The following ZDHHC17 variants were observed in gnomAD, a reference collection of about 807,000 sequenced individuals.
The protein encoded by ZDHHC17 is zDHHC palmitoyltransferase 17, also known as palmitoyltransferase ZDHHC17.
In ZDHHC17, 40 loss-of-function variants were observed where a neutral mutation model predicts 90.3. That is an observed-to-expected ratio of 0.44 (90% CI 0.34 to 0.58). The LOEUF is 0.58. ZDHHC17 is among the 20% of genes least tolerant of loss of function. ZDHHC17 has a pLI of 0.01. For missense variants in ZDHHC17, 614 were observed against 780.8 expected, an observed-to-expected ratio of 0.79 and a Z score of 2.55; for synonymous variants, 235 against 252.4, an observed-to-expected ratio of 0.93 and a Z score of 0.65.
chr12:76,845,646 A>C (rs1592500014), intron 12 of ZDHHC17, 63 bp from the exon 13 acceptor site: 2 of 562,308 alleles, frequency 3.6e-6, no homozygotes, highest in East Asian at 6.7e-5. Flanking sequence ...TGAGAAAATA[A>C]ATAGTCAGCT....
chr12:76,820,693 T>A (rs907591484), intron 7 of ZDHHC17, among the ~76,000 whole-genome samples: 2 of 152,138 alleles, frequency 1.3e-5, no homozygotes, highest in African/African-American at 2.4e-5. Flanking sequence ...CAAGGAAAAA[T>A]TTTTTTAAAA....
At chr12:76,788,688 A>ATATATTTTTTTTTTTTTT (rs61663401) in intron 1 of ZDHHC17, among the ~76,000 whole-genome samples, 1 of 98,648 alleles carries the variant, frequency 1.0e-5, no homozygotes, top group African/African-American at 4.0e-5. Flanking sequence ...TGGAATCGCA[A>ATATATTTTTTTTTTTTTT]TTTTTTTTTT....
intron 7 of ZDHHC17, chr12:76,821,046 CT>C: frequency 7.8e-7 from 1 of 1,286,598 alleles, no homozygotes; most frequent in Non-Finnish European, 1.0e-6. Flanking sequence ...CTCCCTCAAT[CT>C]TTTTGTCTAG....
chr12:76,787,617 CCTCTCTCTCTCT>C (rs3044465), intron 1 of ZDHHC17, among the ~76,000 whole-genome samples: 2 of 148,962 alleles, frequency 1.3e-5, no homozygotes, highest in Non-Finnish European at 3.0e-5. Flanking sequence ...TCTGTCTCTC[CCTCTCTCTCTCT>C]CTCTCTCTCT....
At chr12:76,850,175 A>G (rs1175123344) in intron 16 of ZDHHC17, among the ~76,000 whole-genome samples, 1 of 151,984 alleles carries the variant, frequency 6.6e-6, no homozygotes. Context: ...TCGGCCTCCC[A>G]AAGTGCTAGG....
At chr12:76,817,383 T>C (rs1246733453) in intron 7 of ZDHHC17, among the ~76,000 whole-genome samples, 1 of 152,072 alleles carries the variant, frequency 6.6e-6, no homozygotes, top group African/African-American at 2.4e-5. Flanking sequence ...ATTCCTAAGG[T>C]GATCATGCAC....
chr12:76,830,294 C>T (rs1279197723), intron 10 of ZDHHC17, among the ~76,000 whole-genome samples: 1 of 151,992 alleles, frequency 6.6e-6, no homozygotes, highest in East Asian at 1.9e-4. Context: ...ATATTGTATT[C>T]TTTTTATTAA....
At chr12:76,825,184 G>C (rs189649343) in intron 8 of ZDHHC17, among the ~76,000 whole-genome samples, 26 of 152,268 alleles carry the variant, frequency 1.7e-4, no homozygotes, top group Non-Finnish European at 3.7e-4. Flanking sequence ...TACCATTGTT[G>C]TGATATGCTA....
chr12:76,852,126 T>C lies in ZDHHC17; in HGVS notation c.*1141T>C, dbSNP rs1338749343. ...GTTTTAGAAAAAATTTTCTTTTTGT[T>C]AAATGTGATGCACTGATCAATTTTT... On this transcript the variant is annotated 3_prime_UTR_variant, in exon 17 of 17. Coordinates refer to ENST00000426126, the MANE Select transcript of ZDHHC17 (RefSeq NM_015336.4). 2 of 152,688 alleles carry C rather than the reference T, an allele frequency of 1.3e-5. No individual in the cohort carries two copies. The highest frequency in any genetic ancestry group is 4.8e-5 in the African/African-American group (2 of 41,476). 9.5% of individuals were successfully genotyped at this position (152,688 alleles called of 1,614,324 possible).
At chr12:76,804,772 C>T (rs934918434) in intron 2 of ZDHHC17, among the ~76,000 whole-genome samples, 3 of 152,148 alleles carry the variant, frequency 2.0e-5, no homozygotes, top group African/African-American at 7.2e-5. Flanking sequence ...CCTGCTGTAG[C>T]TGCCCTGGGT....
chr12:76,766,233 C>G (rs1029584982), intron 1 of ZDHHC17, among the ~76,000 whole-genome samples: 3 of 152,188 alleles, frequency 2.0e-5, no homozygotes, highest in African/African-American at 7.2e-5. Context: ...AATTGGCATA[C>G]ATAATATATA....
rs1952834640 is a variant in ZDHHC17 at position 76,797,520 on chromosome 12, C to T, written c.180C>T (p.Asp60=). 6.2e-7 allele frequency: 1 copy of T among 1,605,670 alleles called. No homozygotes were observed. ...ATATTGATGATTACAGCACATGGGA[C>T]ATAGTCAAGGCTACACAGTAAGGTT... The part of the protein sequence containing the change: ...KTHIDDYSTW[D]IVKATQYGIY... Residue 60 remains aspartate (D), a synonymous_variant, in exon 2 of 17, where the codon GAC becomes GAT. Coordinates refer to ENST00000426126, the MANE Select transcript of ZDHHC17 (RefSeq NM_015336.4).
chr12:76,814,092 C>T (rs1953055958), intron 5 of ZDHHC17, among the ~76,000 whole-genome samples: 1 of 151,988 alleles, frequency 6.6e-6, no homozygotes, highest in African/African-American at 2.4e-5. Flanking sequence ...ATGAGACACA[C>T]ATTTCAGGCA....
intron 10 of ZDHHC17, among the ~76,000 whole-genome samples, chr12:76,830,773 TACTCCTA>T (rs1432593259): frequency 6.6e-6 from 1 of 152,214 alleles, no homozygotes; most frequent in Non-Finnish European, 1.5e-5. Context: ...ACTGTTTCTG[TACTCCTA>T]TAATGTGTAA....
intron 12 of ZDHHC17, 45 bp from the exon 13 acceptor site, chr12:76,845,664 C>T (rs1398367497): frequency 1.0e-5 from 9 of 864,488 alleles, no homozygotes; most frequent in Non-Finnish European, 1.6e-5. Flanking sequence ...GCTTTTCTCT[C>T]TTAGTATAAT....
At chr12:76,793,174 T>C (rs1952779513) in intron 1 of ZDHHC17, among the ~76,000 whole-genome samples, 1 of 152,256 alleles carries the variant, frequency 6.6e-6, no homozygotes, top group South Asian at 2.1e-4. Context: ...TTTAATTTGC[T>C]TAAAGTTTTT....
intron 1 of ZDHHC17, among the ~76,000 whole-genome samples, chr12:76,790,312 G>A (rs572699139): frequency 1.2e-4 from 19 of 152,158 alleles, no homozygotes; most frequent in Admixed American, 3.9e-4. Context: ...GACCAGCCTG[G>A]CCAACATGGT....
chr12:76,838,885 A>G (rs925996964), intron 10 of ZDHHC17, among the ~76,000 whole-genome samples: 1 of 152,168 alleles, frequency 6.6e-6, no homozygotes, highest in Non-Finnish European at 1.5e-5. Context: ...AGCTGCCATA[A>G]TGATATACCA....
At chr12:76,769,010 T>C in intron 1 of ZDHHC17, 1 of 315,090 alleles carries the variant, frequency 3.2e-6, no homozygotes, top group South Asian at 2.4e-5. Context: ...CTATTGCTAT[T>C]ATCTACTGTC....
Sources: allele counts gnomAD v4.1 joint callset (sites outside exome capture counted in the v4.1 genomes callset), GRCh38; gene constraint gnomAD v4.1.1; transcripts MANE v1.5; gene names NCBI Gene and HGNC (gene_info 2026-07-23, HGNC 2026-07-21).